Variants in RYR1 observed in about 807,000 individuals in gnomAD.
RYR1 encodes ryanodine receptor 1.
Under a neutral mutation model 583.5 loss-of-function variants are expected in RYR1, and 342 were observed. The observed-to-expected ratio is 0.59, with a 90% confidence interval of 0.54 to 0.64. The LOEUF is 0.64. Among genes scored for constraint, RYR1 ranks in the 30% least tolerant of loss-of-function variants. The pLI is 0.00. For synonymous variants in RYR1, 2,791 were observed against 2,822.5 expected (o/e 0.99, Z 0.35); for missense variants, 6,032 against 6,917.2 (o/e 0.87, Z 4.54).
intron 101 of RYR1, among the ~76,000 whole-genome samples, chr19:38,581,867 C>T (rs1462675269): frequency 6.6e-6 from 1 of 152,102 alleles, no homozygotes; most frequent in African/African-American, 2.4e-5. Flanking sequence ...CTCGGCCTCC[C>T]AAAGTGCTGG....
chr19:38,571,660 A>T (rs1290130985), intron 94 of RYR1, among the ~76,000 whole-genome samples: 1 of 152,120 alleles, frequency 6.6e-6, no homozygotes, highest in Non-Finnish European at 1.5e-5. Flanking sequence ...AAAGAGGATG[A>T]GTGTGTGTAA....
Position 38,433,815 on chromosome 19 carries a change from T to C in RYR1, c.-15T>C. ...GTTCCCCGACCTCAGACCCTGGGCT[T>C]CCGACCTCGACATCATGGGTGACGC... is the stretch of plus-strand genomic sequence containing the variant. On this transcript the variant is annotated 5_prime_UTR_variant, in exon 1 of 106. Transcript: ENST00000359596. 7.0e-7 allele frequency: 1 copy of C among 1,435,622 alleles called. No homozygotes were observed. The highest frequency in any genetic ancestry group is 9.4e-7 in the Non-Finnish European group (1 of 1,066,868). The allele number at this position is 1,435,622 out of a possible 1,614,324, so 88.9% of individuals were successfully genotyped here.
intron 101 of RYR1, among the ~76,000 whole-genome samples, chr19:38,581,822 T>G (rs905511022): frequency 7.3e-5 from 11 of 150,358 alleles, no homozygotes; most frequent in Admixed American, 5.3e-4. Flanking sequence ...TGGCCAGGCT[T>G]GTCTCGAACT....
intron 37 of RYR1, 150 bp downstream of exon 37, chr19:38,490,882 G>T: frequency 1.4e-6 from 1 of 701,684 alleles, no homozygotes; most frequent in Middle Eastern, 3.5e-4. Flanking sequence ...GAATGAATGT[G>T]TTAGTGAACA....
chr19:38,529,060 G>T lies in RYR1; in HGVS notation c.11141+3G>T. ...CGCACTGCCCTGACGGAAAAGAGGT[G>T]AAGACTCTTGCCAGGGCCCCAGAAA... is the stretch of plus-strand genomic sequence containing the variant. On this transcript the variant is annotated splice_donor_region_variant and intron_variant, in intron 76 of 105. Transcript: ENST00000359596. The T allele has an allele frequency of 6.2e-7, 1 of 1,613,432 alleles. No homozygotes were observed. The highest frequency in any genetic ancestry group is 1.1e-5 in the South Asian group (1 of 90,998).
chr19:38,456,306 C>CA (rs1307454795), intron 16 of RYR1, among the ~76,000 whole-genome samples: 1 of 127,020 alleles, frequency 7.9e-6, no homozygotes, highest in Non-Finnish European at 1.6e-5. Flanking sequence ...TACAGAGTCT[C>CA]GCTCTGTCAC....
intron 18 of RYR1, 83 bp downstream of exon 18, chr19:38,458,375 C>A: frequency 7.0e-7 from 1 of 1,418,460 alleles, no homozygotes; most frequent in Non-Finnish European, 9.9e-7. Context: ...CCTTGGGGTT[C>A]TCAGGATCCT....
At chr19:38,494,238 G>A in intron 38 of RYR1, 114 bp from the exon 39 acceptor site, 2 of 1,261,770 alleles carry the variant, frequency 1.6e-6, no homozygotes, top group Non-Finnish European at 2.3e-6. Flanking sequence ...GCAGGTGGTA[G>A]TAACTGGGAA....
chr19:38,473,750 C>T lies in RYR1; in HGVS notation c.4139C>T (p.Thr1380Ile). 6.5e-7 allele frequency: 1 copy of T among 1,538,128 alleles called. No individual in the cohort carries two copies. Among genetic ancestry groups the T allele is most frequent in the South Asian group, 1.2e-5 (1 of 83,606 alleles). Reference sequence around the variant, plus strand: ...GCGGAGAATGAGAAGGATGCCACCACCGAGAAGAACAAGAAGAGAGGGTGA... The same window carrying T: ...GCGGAGAATGAGAAGGATGCCACCATCGAGAAGAACAAGAAGAGAGGGTGA... ...ARAENEKDATTEKNKKRGFLF... is the reference protein window; with the variant it reads ...ARAENEKDATIEKNKKRGFLF... Residue 1380 changes from threonine to isoleucine, a missense_variant, in exon 28 of 106, where the codon ACC (threonine) becomes ATC (isoleucine). Thr to Ile is a moderately conservative substitution (Grantham distance 89, BLOSUM62 -1). Transcript: ENST00000359596.
chr19:38,466,017 AG>A, intron 23 of RYR1, 73 bp from the exon 24 acceptor site: 5 of 1,213,436 alleles, frequency 4.1e-6, no homozygotes, highest in Non-Finnish European at 4.7e-6. Context: ...GTCAGCAGTC[AG>A]GGATCCCATA....
At chr19:38,581,175 T>C (rs554624231) in intron 101 of RYR1, among the ~76,000 whole-genome samples, 126 of 152,158 alleles carry the variant, frequency 8.3e-4, no homozygotes, top group Non-Finnish European at 1.7e-3. Flanking sequence ...CCTCCCGGGT[T>C]CATGCCATTC....
chr19:38,496,806 G>C lies in RYR1; in HGVS notation c.6797-54G>C. The C allele has an allele frequency of 6.5e-7, 1 of 1,541,800 alleles. No homozygotes were observed. The highest frequency in any genetic ancestry group is 1.1e-5 in the South Asian group (1 of 89,126). ...AAGGGTGGTCAGGGAGGGCTTCCCAGAGGAGGCGAGACAAGCAGGAGTGAG... is the reference window on the plus strand; with the variant it reads ...AAGGGTGGTCAGGGAGGGCTTCCCACAGGAGGCGAGACAAGCAGGAGTGAG... On this transcript the variant is annotated intron_variant, in intron 41 of 105. Coordinates refer to ENST00000359596, the MANE Select transcript of RYR1 (RefSeq NM_000540.3). The surrounding 1 kb of genome is among the most constrained non-coding windows in gnomAD (Gnocchi z 4.8).
Position 38,458,211 on chromosome 19 carries a change from G to T in RYR1, c.2086G>T (p.Gly696Trp), listed in dbSNP as rs780639981. 2 of 1,613,956 alleles carry T rather than the reference G, an allele frequency of 1.2e-6. No homozygotes were observed. The highest frequency in any genetic ancestry group is 2.2e-5 in the South Asian group (2 of 91,080). ...ALTEGYTPYP[G>W]AGEGWGGNGV... Reference sequence around the variant, plus strand: ...CACCGAGGGCTACACCCCCTACCCTGGGGCCGGCGAGGGCTGGGGCGGCAA... The same window carrying T: ...CACCGAGGGCTACACCCCCTACCCTTGGGCCGGCGAGGGCTGGGGCGGCAA... The change falls in exon 18 of 106, where the codon GGG becomes TGG. Residue 696 changes from glycine to tryptophan, a missense_variant. This residue lies in a region of RYR1 where 2,627 missense variants were observed against 2,961.3 expected (regional missense o/e 0.89). Transcript: ENST00000359596.
intron 27 of RYR1, among the ~76,000 whole-genome samples, chr19:38,471,035 A>G (rs1225939221): frequency 1.3e-5 from 2 of 152,264 alleles, no homozygotes; most frequent in African/African-American, 4.8e-5. Context: ...AATCTCAGAC[A>G]TAATGTCGAG....
intron 81 of RYR1, 190 bp from the exon 82 acceptor site, chr19:38,535,807 A>G (rs1189735081): frequency 1.3e-5 from 9 of 671,944 alleles, no homozygotes; most frequent in Non-Finnish European, 2.4e-5. Context: ...CAGCTTGCGC[A>G]TGGTTCATCC....
At chr19:38,440,312 G>C (rs954290715) in intron 1 of RYR1, among the ~76,000 whole-genome samples, 2 of 152,050 alleles carry the variant, frequency 1.3e-5, no homozygotes, top group African/African-American at 4.8e-5. Context: ...AAATAAATGG[G>C]ATGATTACTT....
rs1968846445 is a variant in RYR1, at chr19:38,478,345, TTG to T, written c.4455-84_4455-83del. Reference sequence around the variant, plus strand: ...GGTGTTTGGGGATGGGACTCTGAGGTTGTGTGTTTCCGGGAGCTTGGGGAAGG... The same window carrying T: ...GGTGTTTGGGGATGGGACTCTGAGGTTGTGTTTCCGGGAGCTTGGGGAAGG... On this transcript the variant is annotated intron_variant, in intron 30 of 105. Coordinates refer to ENST00000359596, the MANE Select transcript of RYR1 (RefSeq NM_000540.3). 3.5e-6 allele frequency: 5 copies of T among 1,433,510 alleles called. No individual in the cohort carries two copies. In the South Asian group the frequency reaches 4.6e-5, roughly 13 times the overall value. 88.8% of individuals were successfully genotyped at this position (1,433,510 alleles called of 1,614,324 possible). A position where few individuals can be genotyped will look rare whatever the true frequency, so the allele number is the denominator to read the frequency against.
At chr19:38,491,861 G>C (rs984218850) in intron 37 of RYR1, among the ~76,000 whole-genome samples, 2 of 151,950 alleles carry the variant, frequency 1.3e-5, no homozygotes, top group African/African-American at 4.8e-5. Flanking sequence ...TTTTATTTCA[G>C]TTATTTTATT....
At chr19:38,560,348 A>C (rs1181745841) in intron 89 of RYR1, among the ~76,000 whole-genome samples, 1 of 151,426 alleles carries the variant, frequency 6.6e-6, no homozygotes, top group Non-Finnish European at 1.5e-5. Context: ...CCTGGGTGAA[A>C]GAGTGAGACC....
Sources: gnomAD v4.1 joint callset for allele counts (sites outside exome capture counted in the v4.1 genomes callset) on GRCh38, gnomAD v4.1.1 for gene constraint, gnomAD v4.1.1 regional missense constraint, Gnocchi (gnomAD v3.1) non-coding constraint, MANE v1.5 for transcripts, NCBI Gene and HGNC (gene_info 2026-07-23, HGNC 2026-07-21) for gene names.